MMP26: variants seen among roughly 807,000 people sequenced by gnomAD.
MMP26 encodes the protein matrix metalloproteinase-26.
Under a neutral mutation model 31.0 loss-of-function variants are expected in MMP26, and 33 were observed. That is an observed-to-expected ratio of 1.06 (90% CI 0.81 to 1.42). The LOEUF is 1.42. MMP26 is among the 40% of genes most tolerant of loss of function. MMP26 has a pLI of 0.00. For synonymous variants in MMP26, 122 were observed against 114.9 expected (o/e 1.06, Z -0.40); for missense variants, 347 against 316.1 (o/e 1.10, Z -0.74).
chr11:4,768,101 G>A (rs184386839), intron 2 of MMP26, among the ~76,000 whole-genome samples: 1 of 152,160 alleles, frequency 6.6e-6, no homozygotes, highest in East Asian at 1.9e-4. Flanking sequence ...GGAAAATAAT[G>A]TGAGTATGTT....
chr11:4,731,463 C>T lies in MMP26; in HGVS notation c.-217+26418C>T, dbSNP rs191882299. ...TGAAGATGAGAGCTCTAAGTATCCA[C>T]TGGCATAAGGACTACGGCTAGCTAG... On this transcript the variant is annotated intron_variant, in intron 1 of 7. Coordinates refer to ENST00000380390, the MANE Select transcript of MMP26 (RefSeq NM_021801.5). Among the ~76,000 whole-genome samples, 3 of 152,316 alleles carry T rather than the reference C, an allele frequency of 2.0e-5. No individual in the cohort carries two copies. The East Asian group carries it at 5.8e-4, about 29-fold the overall frequency.
At chr11:4,833,870 A>G (rs1310871453) in intron 2 of MMP26, among the ~76,000 whole-genome samples, 1 of 152,166 alleles carries the variant, frequency 6.6e-6, no homozygotes. Flanking sequence ...GCAGGCCCAT[A>G]TGTATTTCCA....
intron 2 of MMP26, among the ~76,000 whole-genome samples, chr11:4,880,344 T>A (rs1850442053): frequency 1.3e-5 from 2 of 151,764 alleles, no homozygotes; most frequent in African/African-American, 4.8e-5. Flanking sequence ...GGGAGTTTTT[T>A]AAAAATGAGG....
At chr11:4,800,969 T>C (rs1056461813) in intron 2 of MMP26, among the ~76,000 whole-genome samples, 1 of 152,204 alleles carries the variant, frequency 6.6e-6, no homozygotes, top group Non-Finnish European at 1.5e-5. Context: ...AGCTTCCTCA[T>C]TTCCATCTGA....
chr11:4,714,899 ATC>A (rs71466199), intron 1 of MMP26, among the ~76,000 whole-genome samples: 29 of 132,576 alleles, frequency 2.2e-4, no homozygotes, highest in East Asian at 8.2e-4. Context: ...AAAACCCCAA[ATC>A]TCTCTCTCTC....
chr11:4,845,012 A>G (rs1849847734), intron 2 of MMP26, among the ~76,000 whole-genome samples: 1 of 152,180 alleles, frequency 6.6e-6, no homozygotes, highest in Non-Finnish European at 1.5e-5. Context: ...TAGAGACTTT[A>G]CCAAAACAAT....
rs150545194 is a variant in MMP26 at position 4,810,931 on chromosome 11, T to A, written c.-145+43590T>A. Among the ~76,000 whole-genome samples the A allele has an allele frequency of 4.4e-4, 67 of 152,298 alleles. 1 individual carries two copies. The highest frequency in any genetic ancestry group is 1.5e-3 in the African/African-American group (64 of 41,564). ...TTGCGAGGAGTGCAATCTGTCAGAC[T>A]AGAACAAAATACAAAGTGCAACATA... On this transcript the variant is annotated intron_variant, in intron 2 of 7. Transcript: ENST00000380390.
intron 2 of MMP26, among the ~76,000 whole-genome samples, chr11:4,900,890 T>C (rs1850790350): frequency 6.6e-6 from 1 of 152,118 alleles, no homozygotes; most frequent in Non-Finnish European, 1.5e-5. Flanking sequence ...GATGAGTGAG[T>C]CCATCAGCTG....
intron 2 of MMP26, chr11:4,769,908 G>GAGTATGTAATACAGTGATGAAGAGCATA: frequency 6.3e-7 from 1 of 1,588,152 alleles, no homozygotes; most frequent in Non-Finnish European, 8.6e-7. Context: ...GAGTTGCTTA[G>GAGTATGTAATACAGTGATGAAGAGCATA]GATTTCCATG....
In MMP26 at chr11:4,728,842, G is replaced by A. The variant is rs117200264; in HGVS notation, c.-217+23797G>A. ...ACATACACACAGAGCACATGGAATT[G>A]TTTAGAAATTTTAAAATCAAGTAAA... is the stretch of plus-strand genomic sequence containing the variant. On this transcript the variant is annotated intron_variant, in intron 1 of 7. Coordinates refer to ENST00000380390, the MANE Select transcript of MMP26 (RefSeq NM_021801.5). Among the ~76,000 whole-genome samples, 127 of 152,018 alleles carry A rather than the reference G, an allele frequency of 8.4e-4. 3 individuals carry two copies. The East Asian group carries it at 0.018, about 22-fold the overall frequency.
At chr11:4,933,036 A>G (rs1035274967) in intron 2 of MMP26, among the ~76,000 whole-genome samples, 7 of 152,188 alleles carry the variant, frequency 4.6e-5, no homozygotes, top group Admixed American at 1.3e-4. Flanking sequence ...TTTCTCTACG[A>G]TGTTAAATTG....
chr11:4,946,128 A>T, intron 2 of MMP26: 2 of 1,578,224 alleles, frequency 1.3e-6, no homozygotes, highest in Non-Finnish European at 1.7e-6. Context: ...ATCTTACCAG[A>T]CATTTCCAGG....
intron 2 of MMP26, among the ~76,000 whole-genome samples, chr11:4,804,963 G>GT (rs1564913981): frequency 2.5e-5 from 3 of 120,006 alleles, no homozygotes; most frequent in Non-Finnish European, 5.1e-5. Context: ...GAGCGAAACC[G>GT]CCTCAAAAAA....
In MMP26 at chr11:4,915,620, G is replaced by A. The variant is rs139981412; in HGVS notation, c.-144-72448G>A. 8 of 1,613,714 alleles carry A rather than the reference G, an allele frequency of 5.0e-6. No homozygotes were observed. In the African/African-American group the frequency reaches 5.3e-5, roughly 11 times the overall value. On this transcript the variant is annotated intron_variant, in intron 2 of 7. Transcript: ENST00000380390. ...AGGGATGCCACTCAGCAGGAAGGTA[G>A]CAGAAACGCTGCTGCTGCTGTTTCC...
intron 1 of MMP26, among the ~76,000 whole-genome samples, chr11:4,738,359 A>G (rs1181561204): frequency 1.3e-5 from 2 of 152,142 alleles, no homozygotes; most frequent in East Asian, 3.9e-4. Context: ...GAAGCACCTT[A>G]TTTTGCTTCT....
chr11:4,915,659 G>A (rs1851076744), intron 2 of MMP26: 14 of 1,609,550 alleles, frequency 8.7e-6, no homozygotes, highest in Non-Finnish European at 1.2e-5. Context: ...GGATCCCAGG[G>A]TCATTGTGTG....
chr11:4,975,551 G>T (rs945505781), intron 2 of MMP26, among the ~76,000 whole-genome samples: 1 of 152,046 alleles, frequency 6.6e-6, no homozygotes, highest in Non-Finnish European at 1.5e-5. Context: ...GTTCTTTCCT[G>T]CCAGGACGGA....
intron 2 of MMP26, among the ~76,000 whole-genome samples, chr11:4,959,279 A>C (rs1016079266): frequency 1.3e-5 from 2 of 150,618 alleles, no homozygotes; most frequent in Middle Eastern, 3.4e-3. Flanking sequence ...ACAAGATTTC[A>C]CTGAATTTCT....
intron 1 of MMP26, among the ~76,000 whole-genome samples, chr11:4,755,770 A>G (rs1237794587): frequency 6.6e-6 from 1 of 152,068 alleles, no homozygotes; most frequent in Admixed American, 6.6e-5. Flanking sequence ...GCTTATTGGG[A>G]TAGCAACCAT....
Sources: gnomAD v4.1 joint callset for allele counts (sites outside exome capture counted in the v4.1 genomes callset) on GRCh38, gnomAD v4.1.1 for gene constraint, MANE v1.5 for transcripts, NCBI Gene and HGNC (gene_info 2026-07-23, HGNC 2026-07-21) for gene names.